The following MGAT4C variants were observed in gnomAD, a reference collection of about 807,000 sequenced individuals.
The protein encoded by MGAT4C is alpha-1,3-mannosyl-glycoprotein 4-beta-N-acetylglucosaminyltransferase C.
Under a neutral mutation model 40.1 loss-of-function variants are expected in MGAT4C, and 19 were observed. That is an observed-to-expected ratio of 0.47 (90% CI 0.33 to 0.70). The LOEUF is 0.70. Among genes scored for constraint, MGAT4C ranks in the 30% least tolerant of loss-of-function variants. The probability of loss-of-function intolerance (pLI) is 0.02; values close to 1 mark genes in which losing one functional copy is unlikely to be tolerated. For synonymous variants in MGAT4C, 181 were observed against 187.1 expected (o/e 0.97, Z 0.27); for missense variants, 491 against 563.2 (o/e 0.87, Z 1.30).
At chr12:86,364,607 G>A (rs1470499928) in intron 3 of MGAT4C, among the ~76,000 whole-genome samples, 2 of 152,080 alleles carry the variant, frequency 1.3e-5, no homozygotes, top group African/African-American at 4.8e-5. Flanking sequence ...ATTCACCCCC[G>A]ATATTTCACG....
intron 2 of MGAT4C, among the ~76,000 whole-genome samples, chr12:86,626,189 G>A (rs1962798397): frequency 6.6e-6 from 1 of 152,130 alleles, no homozygotes. Flanking sequence ...AATTCCTGCT[G>A]TGAAGAAGAT....
intron 2 of MGAT4C, among the ~76,000 whole-genome samples, chr12:86,009,430 A>C (rs1222712147): frequency 6.6e-6 from 1 of 151,878 alleles, no homozygotes; most frequent in Non-Finnish European, 1.5e-5. Flanking sequence ...TCTCCTCTCT[A>C]GTATCTGCTT....
chr12:86,356,492 G>C (rs61950748), intron 3 of MGAT4C, among the ~76,000 whole-genome samples: 13,902 of 152,152 alleles, frequency 0.091, 796 homozygotes, highest in Middle Eastern at 0.22. Context: ...TGGGTGCAGC[G>C]CACGGAGCAT....
intron 2 of MGAT4C, among the ~76,000 whole-genome samples, chr12:86,662,676 T>C (rs1964008775): frequency 6.6e-6 from 1 of 152,158 alleles, no homozygotes; most frequent in Non-Finnish European, 1.5e-5. Context: ...TAAAAATGGA[T>C]ACAAAACATC....
chr12:86,015,976 C>T (rs1889050413), intron 2 of MGAT4C: 2 of 152,102 alleles, frequency 1.3e-5, no homozygotes, highest in African/African-American at 4.8e-5. Context: ...ACTATTATTT[C>T]ACATTGAACG....
At chr12:86,688,991 A>G (rs548678145) in intron 2 of MGAT4C, among the ~76,000 whole-genome samples, 2 of 152,252 alleles carry the variant, frequency 1.3e-5, no homozygotes, top group South Asian at 4.1e-4. Flanking sequence ...CCAATCAAAC[A>G]TAGGTTTGGT....
At chr12:86,208,839 T>C (rs1471031518) in intron 1 of MGAT4C, among the ~76,000 whole-genome samples, 3 of 152,112 alleles carry the variant, frequency 2.0e-5, no homozygotes, top group Non-Finnish European at 4.4e-5. Flanking sequence ...ATAGATTGAT[T>C]ACTCTCAATT....
intron 2 of MGAT4C, among the ~76,000 whole-genome samples, chr12:86,692,108 G>T (rs567305389): frequency 2.0e-4 from 31 of 152,178 alleles, no homozygotes; most frequent in African/African-American, 6.7e-4. Context: ...AAATGGAAAT[G>T]CAGAAAAGAT....
rs1015679787 is a variant in MGAT4C at position 86,811,867 on chromosome 12, C to T, written c.-262+26799G>A. ...TGCTTTTTGCTCTGAGTTTAATTTGCTCTTCTATTTTCTAGTTTCTTGATG... is the reference window on the plus strand; with the variant it reads ...TGCTTTTTGCTCTGAGTTTAATTTGTTCTTCTATTTTCTAGTTTCTTGATG... On this transcript the variant is annotated intron_variant, in intron 1 of 7. Coordinates refer to the MGAT4C transcript ENST00000548651. Among the ~76,000 whole-genome samples the T allele has an allele frequency of 2.6e-5, 4 of 152,118 alleles. No homozygotes were observed. The South Asian group carries it at 8.3e-4, about 32-fold the overall frequency.
intron 2 of MGAT4C, among the ~76,000 whole-genome samples, chr12:85,991,627 G>A (rs1885953078): frequency 6.6e-6 from 1 of 152,162 alleles, no homozygotes; most frequent in Admixed American, 6.5e-5. Context: ...GTGCTGAGAT[G>A]ACAAGCAGCT....
In MGAT4C at chr12:86,556,174, T is replaced by C. The variant is rs370131137; in HGVS notation, c.-228-120909A>G. ...CCACTTAGCGAGACTTGAGTGACCA[T>C]TGTTAAATAATTAGACTTTAAAAAT... On this transcript the variant is annotated intron_variant, in intron 2 of 7. Coordinates refer to the MGAT4C transcript ENST00000548651. Among the ~76,000 whole-genome samples the C allele has an allele frequency of 6.2e-4, 95 of 152,312 alleles. 1 individual carries two copies. In the South Asian group the frequency reaches 0.015, roughly 24 times the overall value.
intron 2 of MGAT4C, among the ~76,000 whole-genome samples, chr12:86,634,389 T>C (rs1963153106): frequency 6.6e-6 from 1 of 152,130 alleles, no homozygotes; most frequent in Non-Finnish European, 1.5e-5. Context: ...TAAGGTGTGT[T>C]GATTATCTAT....
intron 2 of MGAT4C, among the ~76,000 whole-genome samples, chr12:86,695,614 GCAA>G (rs1950242217): frequency 6.6e-6 from 1 of 152,152 alleles, no homozygotes; most frequent in Non-Finnish European, 1.5e-5. Context: ...TCTGTCATTT[GCAA>G]CAACATGGAT....
chr12:86,344,717 G>GGTGTGTGTGT (rs71076188), intron 3 of MGAT4C, among the ~76,000 whole-genome samples: 12 of 139,520 alleles, frequency 8.6e-5, no homozygotes, highest in African/African-American at 3.2e-4. Flanking sequence ...ATCTCTTCTC[G>GGTGTGTGTGT]GTGTGTGTGT....
chr12:86,824,754 AGAG>A lies in MGAT4C; in HGVS notation c.-262+13909_-262+13911del, dbSNP rs1336207818. 5.0e-5 allele frequency among the ~76,000 whole-genome samples: 6 copies of A among 119,682 alleles called. No homozygotes were observed. The South Asian group carries it at 1.0e-3, about 20-fold the overall frequency. The allele number at this position is 119,682 out of a possible 152,430, so 78.5% of individuals were successfully genotyped here. ...GCCAGGCCAAAAAAAAAAAAAAAAA[AGAG>A]AGAGAGAGAGAAGAAAAGAAAAAAT... On this transcript the variant is annotated intron_variant, in intron 1 of 7. Transcript: ENST00000548651.
At chr12:86,566,581 T>C (rs1026988269) in intron 2 of MGAT4C, among the ~76,000 whole-genome samples, 3 of 136,044 alleles carry the variant, frequency 2.2e-5, no homozygotes, top group African/African-American at 8.0e-5. Flanking sequence ...TATATGTATA[T>C]GTATATATAT....
At position 86,721,177 on chromosome 12, in the gene MGAT4C, T is replaced by G. The variant is rs1019261000; in HGVS notation, c.-229+6032A>C. On this transcript the variant is annotated intron_variant, in intron 2 of 7. Coordinates refer to the MGAT4C transcript ENST00000548651. ...AATAATCAGTTTTGCCCCAGTGATG[T>G]GTCAAACGTGCAAGAATGTGATGCA... is the stretch of plus-strand genomic sequence containing the variant. 2.0e-5 allele frequency among the ~76,000 whole-genome samples: 3 copies of G among 152,144 alleles called. 1 individual carries two copies. The highest frequency in any genetic ancestry group is 7.2e-5 in the African/African-American group (3 of 41,438).
intron 2 of MGAT4C, among the ~76,000 whole-genome samples, chr12:86,665,183 G>C (rs1298070843): frequency 6.6e-6 from 1 of 152,026 alleles, no homozygotes; most frequent in East Asian, 1.9e-4. Flanking sequence ...TCAGCCCACA[G>C]CATAAGTAGT....
At chr12:86,753,027 T>C (rs1951248455) in intron 1 of MGAT4C, among the ~76,000 whole-genome samples, 1 of 152,122 alleles carries the variant, frequency 6.6e-6, no homozygotes, top group Non-Finnish European at 1.5e-5. Context: ...AAAAGCATGA[T>C]TTACAAAGAC....
Sources: gnomAD v4.1 joint callset for allele counts (sites outside exome capture counted in the v4.1 genomes callset) on GRCh38, gnomAD v4.1.1 for gene constraint, MANE v1.5 for transcripts, NCBI Gene and HGNC (gene_info 2026-07-23, HGNC 2026-07-21) for gene names.